CUBN: variants seen among roughly 807,000 people sequenced by gnomAD.
The protein encoded by CUBN is cubilin.
CUBN carries 282 observed loss-of-function variants against 405.3 expected under a neutral mutation model. The observed-to-expected ratio is 0.70, with a 90% CI of 0.63 to 0.77. The LOEUF (loss-of-function observed/expected upper bound fraction) is 0.77. CUBN is among the 30% of genes least tolerant of loss of function. The pLI, the probability that CUBN is intolerant of heterozygous loss-of-function variation, is 0.00. For synonymous variants in CUBN, 1,684 were observed against 1,617.0 expected, an observed-to-expected ratio of 1.04 and a Z score of -0.99; for missense variants, 4,514 against 4,475.2, an observed-to-expected ratio of 1.01 and a Z score of -0.25.
chr10:17,085,225 G>C (rs971805154), intron 16 of CUBN, among the ~76,000 whole-genome samples: 3 of 152,158 alleles, frequency 2.0e-5, no homozygotes, highest in African/African-American at 7.2e-5. Context: ...CCCAGCCCCT[G>C]TGCAGCTGGA....
chr10:16,851,725 C>T (rs1467246302), intron 59 of CUBN, among the ~76,000 whole-genome samples: 1 of 132,958 alleles, frequency 7.5e-6, no homozygotes, highest in Non-Finnish European at 1.6e-5. Context: ...TCCATCTTTC[C>T]CTCCCTCCCT....
At chr10:17,060,896 C>T (rs546399486) in intron 22 of CUBN, among the ~76,000 whole-genome samples, 1 of 151,960 alleles carries the variant, frequency 6.6e-6, no homozygotes, top group African/African-American at 2.4e-5. Flanking sequence ...ACTAAAAATA[C>T]AAAATTAGCC....
At chr10:17,101,928 A>C (rs778712597) in intron 13 of CUBN, among the ~76,000 whole-genome samples, 33 of 152,254 alleles carry the variant, frequency 2.2e-4, no homozygotes, top group Non-Finnish European at 3.4e-4. Context: ...TGGAGCACTT[A>C]GTATAGAACA....
chr10:17,109,577 G>T, intron 10 of CUBN, 63 bp downstream of exon 10: 1 of 1,298,044 alleles, frequency 7.7e-7, no homozygotes, highest in Non-Finnish European at 1.1e-6. Flanking sequence ...TGTTTAAGAT[G>T]TTGAATTGGT....
intron 58 of CUBN, among the ~76,000 whole-genome samples, chr10:16,870,666 C>T (rs924103971): frequency 6.6e-6 from 1 of 152,246 alleles, no homozygotes; most frequent in African/African-American, 2.4e-5. Flanking sequence ...AAGCTTCCAT[C>T]AGCCTGGGTT....
chr10:17,068,557 C>A, intron 20 of CUBN, 48 bp downstream of exon 20: 1 of 1,463,120 alleles, frequency 6.8e-7, no homozygotes, highest in South Asian at 1.2e-5. Context: ...TTCACTTATT[C>A]TGATACAAGC....
intron 16 of CUBN, among the ~76,000 whole-genome samples, chr10:17,085,023 T>C (rs1836074282): frequency 6.6e-6 from 1 of 152,184 alleles, no homozygotes; most frequent in Non-Finnish European, 1.5e-5. Context: ...AGAACATTTA[T>C]TAAGGGCACA....
At chr10:17,119,845 C>T (rs1231361588) in intron 6 of CUBN, among the ~76,000 whole-genome samples, 2 of 152,150 alleles carry the variant, frequency 1.3e-5, no homozygotes, top group Non-Finnish European at 2.9e-5. Context: ...GTGCTATAAT[C>T]ATTGTTCTAA....
In CUBN at chr10:17,068,166, A is replaced by T. The variant is rs777704052; in HGVS notation, c.2906T>A (p.Leu969Gln). The change falls in exon 21 of 67, where the codon CTG becomes CAG. Residue 969 changes from leucine (L) to glutamine (Q), a missense_variant. Leu to Gln is a moderately radical substitution (Grantham distance 113). Transcript: ENST00000377833. ...AAATGTTTCGAACATTAAATGAATC[A>T]GGTGATTAGGTTGGACTAATATATG... ...TWHILVQPNH[L>Q]IHLMFETFHL... The T allele has an allele frequency of 1.2e-6, 2 of 1,613,740 alleles. No individual in the cohort carries two copies. The highest frequency in any genetic ancestry group is 8.5e-7 in the Non-Finnish European group (1 of 1,179,652).
intron 40 of CUBN, among the ~76,000 whole-genome samples, chr10:16,929,276 T>A (rs1299260379): frequency 6.6e-6 from 1 of 152,072 alleles, no homozygotes; most frequent in Non-Finnish European, 1.5e-5. Flanking sequence ...TCTCCTTTCA[T>A]CTTGATTATC....
Position 17,065,472 on chromosome 10 carries a change from G to C in CUBN, c.3139+36C>G, listed in dbSNP as rs776683239. 2.1e-5 allele frequency: 34 copies of C among 1,611,124 alleles called. 1 individual carries two copies. The South Asian group carries it at 3.7e-4, about 18-fold the overall frequency. ...GCTATTAGCACTGTTTTGCAATGGAGTCAATAAAACCGAGTATGCAATGCT... is the reference window on the plus strand; with the variant it reads ...GCTATTAGCACTGTTTTGCAATGGACTCAATAAAACCGAGTATGCAATGCT... On this transcript the variant is annotated intron_variant, in intron 22 of 66. Transcript: ENST00000377833.
chr10:16,954,625 G>A (rs893446225), intron 31 of CUBN, 77 bp from the exon 32 acceptor site: 11 of 1,454,988 alleles, frequency 7.6e-6, no homozygotes, highest in East Asian at 2.4e-5. Context: ...CTGTCTGCAC[G>A]CCGATATACT....
At chr10:16,958,185 A>G (rs967591013) in intron 31 of CUBN, among the ~76,000 whole-genome samples, 4 of 152,196 alleles carry the variant, frequency 2.6e-5, no homozygotes, top group Non-Finnish European at 4.4e-5. Flanking sequence ...GGGCACACCT[A>G]GAAGCTTTAC....
At chr10:16,997,650 C>T (rs1034671334) in intron 28 of CUBN, among the ~76,000 whole-genome samples, 1 of 152,110 alleles carries the variant, frequency 6.6e-6, no homozygotes, top group Admixed American at 6.6e-5. Flanking sequence ...AACGTAATTA[C>T]AAGGATTTTG....
chr10:16,976,296 T>C (rs1833092389), intron 31 of CUBN, among the ~76,000 whole-genome samples: 1 of 152,180 alleles, frequency 6.6e-6, no homozygotes, highest in Admixed American at 6.5e-5. Flanking sequence ...AAAGGAATTT[T>C]AGGAGAGCAT....
Position 17,114,183 on chromosome 10 carries a change from A to G in CUBN, c.727T>C (p.Tyr243His). The change falls in exon 8 of 67, where the codon TAC becomes CAC. Residue 243 changes from tyrosine (Y) to histidine (H), a missense_variant. Physicochemically the swap from Tyr to His is moderately conservative, Grantham distance 83. Around this residue, in one of 5 missense-constraint regions of CUBN, gnomAD observed 1,448 missense variants for 1,388.0 expected, o/e 1.04. Transcript: ENST00000377833. ...LMREQAGEPK[Y>H]SCVCDAGWMF... ...CACCCAGCATCACAGACGCAGCTGT[A>G]CTTGGGCTGGCAGGATGACAACAGC... 6.2e-7 allele frequency: 1 copy of G among 1,613,812 alleles called. No homozygotes were observed. Among genetic ancestry groups the G allele is most frequent in the Non-Finnish European group, 8.5e-7 (1 of 1,179,898 alleles).
intron 6 of CUBN, 118 bp from the exon 7 acceptor site, chr10:17,115,715 T>A: frequency 7.6e-7 from 1 of 1,308,828 alleles, no homozygotes; most frequent in South Asian, 1.2e-5. Context: ...CTTGGAATCG[T>A]CAGCCAGCAA....
rs540274685 is a variant in CUBN at position 16,829,892 on chromosome 10, G to C, written c.10529-852C>G. Among the ~76,000 whole-genome samples the C allele has an allele frequency of 2.0e-5, 3 of 151,360 alleles. No individual in the cohort carries two copies. In the South Asian group the frequency reaches 6.2e-4, roughly 31 times the overall value. On this transcript the variant is annotated intron_variant, in intron 65 of 66. Transcript: ENST00000377833. Reference sequence around the variant, plus strand: ...GCTGGAGTGCAGTGGCACGATCTTGGCTCACTGCAAGCTCCACCTCCCGGG... The same window carrying C: ...GCTGGAGTGCAGTGGCACGATCTTGCCTCACTGCAAGCTCCACCTCCCGGG...
intron 62 of CUBN, among the ~76,000 whole-genome samples, chr10:16,838,254 T>G (rs1839233833): frequency 6.6e-6 from 1 of 152,040 alleles, no homozygotes; most frequent in African/African-American, 2.4e-5. Flanking sequence ...CAAGACCACA[T>G]GAGAAGCAGG....
Sources: gnomAD v4.1 joint callset for allele counts (sites outside exome capture counted in the v4.1 genomes callset) on GRCh38, gnomAD v4.1.1 for gene constraint, gnomAD v4.1.1 regional missense constraint, MANE v1.5 for transcripts, NCBI Gene and HGNC (gene_info 2026-07-23, HGNC 2026-07-21) for gene names.